PLEKHM3: variants seen among roughly 807,000 people sequenced by gnomAD.
PLEKHM3 encodes pleckstrin homology domain containing M3.
In PLEKHM3, 45 loss-of-function variants were observed where a neutral mutation model predicts 81.8. The observed-to-expected ratio is 0.55, with a 90% CI of 0.43 to 0.71. The LOEUF is 0.71. Among genes scored for constraint, PLEKHM3 ranks in the 30% least tolerant of loss-of-function variants. The probability of loss-of-function intolerance (pLI) is 0.00; values close to 1 mark genes in which losing one functional copy is unlikely to be tolerated. For missense variants in PLEKHM3, 788 were observed against 924.3 expected, an observed-to-expected ratio of 0.85 and a Z score of 1.91; for synonymous variants, 352 against 356.4, an observed-to-expected ratio of 0.99 and a Z score of 0.14.
chr2:207,889,434 AACACACACACACACACAC>A (rs35082335), intron 6 of PLEKHM3, among the ~76,000 whole-genome samples: 8,264 of 129,218 alleles, frequency 0.064, 287 homozygotes, highest in Non-Finnish European at 0.083. Flanking sequence ...GGTTTTTTTC[AACACACACACACACACAC>A]ACACACACAC....
chr2:208,022,298 C>T (rs571871038), intron 1 of PLEKHM3, among the ~76,000 whole-genome samples: 1 of 152,306 alleles, frequency 6.6e-6, no homozygotes, highest in African/African-American at 2.4e-5. Flanking sequence ...GGTTGCATAA[C>T]AAATTTCTAC....
Position 207,861,221 on chromosome 2 carries a change from A to C in PLEKHM3, c.1992T>G (p.Ile664Met), listed in dbSNP as rs1158588678. The change falls in exon 7 of 8, where the codon ATT (isoleucine) becomes ATG (methionine). Residue 664 changes from isoleucine (I) to methionine (M), a missense_variant. Physicochemically the swap from Ile to Met is conservative, Grantham distance 10. Coordinates refer to ENST00000427836, the MANE Select transcript of PLEKHM3 (RefSeq NM_001080475.3). Reference protein sequence around the residue: ...GKLAPFLGKVIKFATSHVYSC... With the variant: ...GKLAPFLGKVMKFATSHVYSC... ...TGTACACGTGTGAGGTGGCAAATTTAATGACCTTGCCCAAGAATGGAGCCA... is the reference window on the plus strand; with the variant it reads ...TGTACACGTGTGAGGTGGCAAATTTCATGACCTTGCCCAAGAATGGAGCCA... The C allele has an allele frequency of 6.2e-7, 1 of 1,614,094 alleles. No individual in the cohort carries two copies. The highest frequency in any genetic ancestry group is 1.7e-5 in the Admixed American group (1 of 60,000).
At chr2:208,004,994 T>G (rs1421588632) in intron 1 of PLEKHM3, among the ~76,000 whole-genome samples, 1 of 151,684 alleles carries the variant, frequency 6.6e-6, no homozygotes, top group Non-Finnish European at 1.5e-5. Flanking sequence ...CCTGGCTAAT[T>G]TTTGTATTTT....
chr2:208,023,124 T>G (rs1202771458), intron 1 of PLEKHM3, among the ~76,000 whole-genome samples: 3 of 151,992 alleles, frequency 2.0e-5, no homozygotes, highest in Non-Finnish European at 4.4e-5. Flanking sequence ...GTAAAATATA[T>G]ATAATATGAA....
chr2:207,867,998 G>A (rs2092511390), intron 6 of PLEKHM3, among the ~76,000 whole-genome samples: 1 of 152,138 alleles, frequency 6.6e-6, no homozygotes, highest in Admixed American at 6.5e-5. Context: ...AAATGACTAT[G>A]GGTGAGACAA....
intron 6 of PLEKHM3, among the ~76,000 whole-genome samples, chr2:207,880,545 C>T (rs537960435): frequency 2.0e-5 from 3 of 150,688 alleles, no homozygotes; most frequent in Non-Finnish European, 4.4e-5. Context: ...GGGCGGATCA[C>T]GAGGTCAGGA....
At chr2:208,006,832 T>C (rs1462804989) in intron 1 of PLEKHM3, among the ~76,000 whole-genome samples, 1 of 152,192 alleles carries the variant, frequency 6.6e-6, no homozygotes, top group Non-Finnish European at 1.5e-5. Flanking sequence ...ATTTAATAGA[T>C]TGAGAAATTG....
chr2:207,991,939 AT>A (rs1691913153), intron 2 of PLEKHM3, among the ~76,000 whole-genome samples: 1 of 152,170 alleles, frequency 6.6e-6, no homozygotes, highest in Non-Finnish European at 1.5e-5. Flanking sequence ...TTACAGTGAT[AT>A]TTTGGCCTTA....
chr2:208,002,947 T>G, intron 1 of PLEKHM3, among the ~76,000 whole-genome samples: 1 of 151,526 alleles, frequency 6.6e-6, no homozygotes, highest in Non-Finnish European at 1.5e-5. Flanking sequence ...GGCAAGGGCT[T>G]TTTTAATCCT....
At chr2:207,884,568 A>T (rs138059178) in intron 6 of PLEKHM3, among the ~76,000 whole-genome samples, 2 of 152,336 alleles carry the variant, frequency 1.3e-5, no homozygotes, top group Non-Finnish European at 2.9e-5. Flanking sequence ...AACCCTGTCC[A>T]GCTCAGAGTT....
At chr2:207,980,999 G>T (rs1416686495) in intron 2 of PLEKHM3, among the ~76,000 whole-genome samples, 1 of 151,650 alleles carries the variant, frequency 6.6e-6, no homozygotes, top group Non-Finnish European at 1.5e-5. Context: ...GTGGTGGTGT[G>T]TGCCTGTAAT....
chr2:207,853,767 T>G (rs1034271771), intron 7 of PLEKHM3, among the ~76,000 whole-genome samples: 8 of 151,918 alleles, frequency 5.3e-5, no homozygotes, highest in African/African-American at 1.7e-4. Flanking sequence ...TTCTCATGCT[T>G]GCTATTATTA....
chr2:207,970,166 A>T (rs1462937796), intron 3 of PLEKHM3, among the ~76,000 whole-genome samples: 2 of 152,054 alleles, frequency 1.3e-5, no homozygotes, highest in African/African-American at 4.8e-5. Context: ...ACCGCTGAAA[A>T]GCTTTGGGGG....
chr2:207,834,434 CT>C (rs71412444), intron 7 of PLEKHM3, among the ~76,000 whole-genome samples: 89,101 of 134,130 alleles, frequency 0.66, 29,008 homozygotes, highest in African/African-American at 0.76. Context: ...CCAGCCTCTT[CT>C]TTTTTTTTTT....
intron 6 of PLEKHM3, among the ~76,000 whole-genome samples, chr2:207,890,064 C>T (rs1018370421): frequency 1.3e-5 from 2 of 152,178 alleles, no homozygotes; most frequent in African/African-American, 4.8e-5. Context: ...CTTGGCCTCC[C>T]AAAGTGCTGG....
chr2:207,870,855 C>A (rs2092530043), intron 6 of PLEKHM3, among the ~76,000 whole-genome samples: 1 of 152,210 alleles, frequency 6.6e-6, no homozygotes, highest in African/African-American at 2.4e-5. Context: ...TGCCTGTAAT[C>A]CCAGCACTTT....
intron 6 of PLEKHM3, among the ~76,000 whole-genome samples, chr2:207,878,506 G>A (rs2092570596): frequency 2.0e-5 from 3 of 152,228 alleles, no homozygotes; most frequent in Admixed American, 6.5e-5. Flanking sequence ...TACTGGGGAG[G>A]CTGAGGCAGC....
chr2:207,961,810 G>C (rs1400653155), intron 3 of PLEKHM3, among the ~76,000 whole-genome samples: 1 of 152,152 alleles, frequency 6.6e-6, no homozygotes, highest in Non-Finnish European at 1.5e-5. Flanking sequence ...CCCTTCCCCA[G>C]GTGGATGCTG....
chr2:207,927,217 G>A (rs979658334), intron 5 of PLEKHM3, among the ~76,000 whole-genome samples: 7 of 152,138 alleles, frequency 4.6e-5, no homozygotes, highest in Admixed American at 6.5e-5. Flanking sequence ...TTTAGATGTC[G>A]TATCCTCAGG....
Sources: gnomAD v4.1 joint callset for allele counts (sites outside exome capture counted in the v4.1 genomes callset) on GRCh38, gnomAD v4.1.1 for gene constraint, MANE v1.5 for transcripts, NCBI Gene and HGNC (gene_info 2026-07-23, HGNC 2026-07-21) for gene names.